ARL10: variants seen among roughly 807,000 people sequenced by gnomAD.
The protein encoded by ARL10 is ADP-ribosylation factor-like protein 10.
In ARL10, 23 loss-of-function variants were observed where a neutral mutation model predicts 26.1. The observed-to-expected ratio is 0.88, with a 90% CI of 0.63 to 1.25. The LOEUF (loss-of-function observed/expected upper bound fraction) is 1.25, where lower values mean the gene tolerates loss of function less well. Ranked by LOEUF, ARL10 falls within the 50% of genes most tolerant of loss-of-function variation. ARL10 has a pLI of 0.00. For missense variants in ARL10, 300 were observed against 323.6 expected (o/e 0.93, Z 0.56); for synonymous variants, 138 against 149.1 (o/e 0.93, Z 0.54).
downstream of ARL10, chr5:176,384,075 G>T: frequency 6.3e-7 from 1 of 1,585,586 alleles, no homozygotes; most frequent in East Asian, 2.3e-5. Flanking sequence ...TCCTTCCCCA[G>T]AGCGGGGAGT....
At chr5:176,413,046 T>C in the ARL10 span, among the ~76,000 whole-genome samples, 3 of 152,156 alleles carry the variant, frequency 2.0e-5, no homozygotes, top group African/African-American at 7.2e-5. Context: ...TCTCTCTGCC[T>C]CAGCCTCGAG....
At chr5:176,367,543 C>G (rs1768360267) in intron 2 of ARL10, among the ~76,000 whole-genome samples, 1 of 152,232 alleles carries the variant, frequency 6.6e-6, no homozygotes, top group African/African-American at 2.4e-5. Flanking sequence ...GGGGGCTCCC[C>G]ACCCCCTCAC....
downstream of ARL10, chr5:176,386,707 G>T (rs1053271856): frequency 1.2e-6 from 1 of 804,630 alleles, no homozygotes; most frequent in South Asian, 1.4e-5. Flanking sequence ...CTAACTCTGT[G>T]AACTTTGAAC....
chr5:176,384,760 A>C, downstream of ARL10: 1 of 354,338 alleles, frequency 2.8e-6, no homozygotes. Flanking sequence ...ACAGAGCGAG[A>C]TTCTGTCTCA....
downstream of ARL10, chr5:176,386,678 A>G: frequency 1.4e-6 from 1 of 724,994 alleles, no homozygotes; most frequent in Non-Finnish European, 2.5e-6. Context: ...ATGAAAAATG[A>G]GCCAGCCAGG....
Position 176,372,160 on chromosome 5 carries a change from C to A in ARL10, c.*265C>A. ...GCTCATTCCAGGCTGGAATGTGGAT[C>A]CAGCTTTCCCTTCTCTTACCTGTAC... is the stretch of plus-strand genomic sequence containing the variant. On this transcript the variant is annotated 3_prime_UTR_variant, in exon 4 of 4. Transcript: ENST00000310389. 1 of 1,188,320 alleles carries A rather than the reference C, an allele frequency of 8.4e-7. No homozygotes were observed. The highest frequency in any genetic ancestry group is 1.1e-6 in the Non-Finnish European group (1 of 905,974). The allele number at this position is 1,188,320 out of a possible 1,614,324, so 73.6% of individuals were successfully genotyped here. A position where few individuals can be genotyped will look rare whatever the true frequency, so the allele number is the denominator to read the frequency against.
the ARL10 span, chr5:176,410,349 A>C: frequency 6.4e-7 from 1 of 1,573,678 alleles, no homozygotes; most frequent in South Asian, 1.1e-5. Flanking sequence ...TTTAGCTTAT[A>C]GCAAGCAGGA....
rs1031792115 is a variant in ARL10, at chr5:176,379,989, G to A, written c.*8094G>A. ...TTTTTGAGTATTTTCTCTTGGATTA[G>A]TTAAGTCTTTATGATGGCTCTAAGC... On this transcript the variant is annotated 3_prime_UTR_variant, in exon 4 of 4. Transcript: ENST00000310389. The A allele has an allele frequency of 2.0e-5, 3 of 152,194 alleles. No homozygotes were observed. Among genetic ancestry groups the A allele is most frequent in the African/African-American group, 7.2e-5 (3 of 41,460 alleles). The allele number at this position is 152,194 out of a possible 1,614,324, so 9.4% of individuals were successfully genotyped here.
intron 1 of ARL10, among the ~76,000 whole-genome samples, chr5:176,394,499 C>T (rs532940716): frequency 2.6e-4 from 40 of 151,942 alleles, no homozygotes; most frequent in African/African-American, 9.2e-4. Context: ...TGGTGAAACC[C>T]CATCTCTACT....
At chr5:176,385,262 A>G, downstream of ARL10, 1 of 1,612,260 alleles carries the variant, frequency 6.2e-7, no homozygotes, top group Non-Finnish European at 8.5e-7. Flanking sequence ...TAGCGTACAT[A>G]GTCAATGAGG....
intron 3 of ARL10, among the ~76,000 whole-genome samples, chr5:176,369,753 C>T (rs943228740): frequency 6.6e-6 from 1 of 151,744 alleles, no homozygotes; most frequent in Non-Finnish European, 1.5e-5. Context: ...TCCAGGAGTT[C>T]GAGACCAGCC....
intron 1 of ARL10, chr5:176,398,086 A>G: frequency 6.3e-7 from 1 of 1,580,522 alleles, no homozygotes; most frequent in Non-Finnish European, 8.7e-7. Flanking sequence ...CAGCCAGCAC[A>G]CCTGCCCCGC....
chr5:176,373,150 A>G lies in ARL10; in HGVS notation c.*1255A>G. ...AATCTAGGTAAAAAGATGGAAAAAA[A>G]TTGTATTATGTGATCCTAAGGACAG... On this transcript the variant is annotated 3_prime_UTR_variant, in exon 4 of 4. Transcript: ENST00000310389. 5.0e-6 allele frequency: 2 copies of G among 398,050 alleles called. No individual in the cohort carries two copies. The highest frequency in any genetic ancestry group is 4.4e-6 in the Non-Finnish European group (1 of 225,980). 24.7% of individuals were successfully genotyped at this position (398,050 alleles called of 1,614,324 possible). A position where few individuals can be genotyped will look rare whatever the true frequency, so the allele number is the denominator to read the frequency against.
the ARL10 span, among the ~76,000 whole-genome samples, chr5:176,412,074 G>T: frequency 2.0e-5 from 3 of 151,750 alleles, no homozygotes; most frequent in African/African-American, 4.8e-5. Context: ...CACTCGGGAG[G>T]CTGAGGCAGG....
At chr5:176,408,257 G>C in the ARL10 span, among the ~76,000 whole-genome samples, 2 of 151,638 alleles carry the variant, frequency 1.3e-5, no homozygotes, top group African/African-American at 4.9e-5. Context: ...TGTCATGCCG[G>C]GCACGGTGGC....
In ARL10 at chr5:176,396,616, G is replaced by A. The variant is rs1756536683; in HGVS notation, c.134-5125G>A. 5.2e-6 allele frequency: 5 copies of A among 958,748 alleles called. No homozygotes were observed. In the Admixed American group the frequency reaches 5.7e-5, roughly 11 times the overall value. The allele number at this position is 958,748 out of a possible 1,614,324, so 59.4% of individuals were successfully genotyped here. A position where few individuals can be genotyped will look rare whatever the true frequency, so the allele number is the denominator to read the frequency against. Reference sequence around the variant, plus strand: ...AGGCAGGCAGAAGGTTAGAGAGAGAGAGAGAGACAGCATTAGTACCTCCAG... The same window carrying A: ...AGGCAGGCAGAAGGTTAGAGAGAGAAAGAGAGACAGCATTAGTACCTCCAG... On this transcript the variant is annotated intron_variant, in intron 1 of 1. Transcript: ENST00000514533.
downstream of ARL10, chr5:176,388,705 G>C: frequency 1.4e-6 from 2 of 1,449,914 alleles, no homozygotes; most frequent in South Asian, 1.3e-5. Context: ...AGGATGCAAC[G>C]AGCATTTGCG....
downstream of ARL10, among the ~76,000 whole-genome samples, chr5:176,390,825 G>C (rs966695964): frequency 6.6e-6 from 1 of 152,172 alleles, no homozygotes; most frequent in African/African-American, 2.4e-5. Flanking sequence ...GAAGAACACA[G>C]TCCCGAAGCT....
In ARL10 at chr5:176,368,038, G is replaced by T. The variant is rs751912943; in HGVS notation, c.386-769G>T. ...AGGCATTGTGCTGAGGGCTTTGTGG[G>T]GATTCAGAGGTAAGTGCCTCTGACT... On this transcript the variant is annotated intron_variant, in intron 2 of 3. Transcript: ENST00000310389. The surrounding 1 kb of genome is among the most constrained non-coding windows in gnomAD (Gnocchi z 4.1). The T allele has an allele frequency of 5.9e-6, 3 of 512,184 alleles. No homozygotes were observed. In the Admixed American group the frequency reaches 5.9e-5, roughly 10 times the overall value. The allele number at this position is 512,184 out of a possible 1,614,324, so 31.7% of individuals were successfully genotyped here. A position where few individuals can be genotyped will look rare whatever the true frequency, so the allele number is the denominator to read the frequency against.
Sources: allele counts gnomAD v4.1 joint callset (sites outside exome capture counted in the v4.1 genomes callset), GRCh38; gene constraint gnomAD v4.1.1; non-coding constraint Gnocchi (gnomAD v3.1); transcripts MANE v1.5; gene names NCBI Gene and HGNC (gene_info 2026-07-23, HGNC 2026-07-21).